Variants in MRPS27 observed in about 807,000 individuals in gnomAD.
MRPS27 encodes small ribosomal subunit protein mS27.
In MRPS27, 43 loss-of-function variants were observed where a neutral mutation model predicts 48.9. The observed-to-expected ratio is 0.88, with a 90% CI of 0.69 to 1.13. The LOEUF (loss-of-function observed/expected upper bound fraction) is 1.13, where lower values mean the gene tolerates loss of function less well. Ranked by LOEUF, MRPS27 falls within the 50% of genes most tolerant of loss-of-function variation. MRPS27 has a pLI of 0.00. For missense variants in MRPS27, 467 were observed against 476.3 expected, an observed-to-expected ratio of 0.98 and a Z score of 0.18; for synonymous variants, 188 against 171.9, an observed-to-expected ratio of 1.09 and a Z score of -0.73.
intron 2 of MRPS27, among the ~76,000 whole-genome samples, chr5:72,302,677 AGAG>A (rs1340255769): frequency 1.3e-5 from 2 of 152,258 alleles, no homozygotes; most frequent in Non-Finnish European, 2.9e-5. Context: ...TGGAGTGTTT[AGAG>A]GAGCAGTCCC....
chr5:72,306,634 A>G (rs1347602175), intron 2 of MRPS27, among the ~76,000 whole-genome samples: 1 of 152,238 alleles, frequency 6.6e-6, no homozygotes, highest in African/African-American at 2.4e-5. Flanking sequence ...TCTAGATCAC[A>G]TTTCAACAAA....
Position 72,295,580 on chromosome 5 carries a change from T to C in MRPS27, c.232A>G (p.Asn78Asp). The C allele has an allele frequency of 1.2e-6, 2 of 1,609,908 alleles. No homozygotes were observed. The highest frequency in any genetic ancestry group is 1.7e-6 in the Non-Finnish European group (2 of 1,176,398). The part of the protein sequence containing the change: ...SSLTISRLID[N>D]ISSREEIDHA... ...TCTATCTCTTCCCGAGAGGAAATGT[T>C]GTCTATAAGCTAAAAGACAGAAAAA... The change falls in exon 4 of 11, where the codon AAC becomes GAC. Residue 78 changes from asparagine (N) to aspartate (D), a missense_variant. Coordinates refer to ENST00000261413, the MANE Select transcript of MRPS27 (RefSeq NM_015084.3).
intron 4 of MRPS27, among the ~76,000 whole-genome samples, chr5:72,276,155 C>G (rs1239734262): frequency 6.6e-6 from 1 of 152,116 alleles, no homozygotes; most frequent in Non-Finnish European, 1.5e-5. Context: ...CGCTACCCAA[C>G]TTCAAACCAT....
At chr5:72,221,891 CCTGGAGAAGTAAGTATTAAAAACA>C (rs1342887141) in intron 10 of MRPS27, among the ~76,000 whole-genome samples, 3 of 89,926 alleles carry the variant, frequency 3.3e-5, no homozygotes, top group Non-Finnish European at 1.1e-4. Context: ...GTGTTGTGCT[CCTGGAGAAGTAAGTATTAAAAACA>C]TTAATCTATT....
chr5:72,305,343 C>G (rs1440718253), intron 2 of MRPS27, among the ~76,000 whole-genome samples: 1 of 152,152 alleles, frequency 6.6e-6, no homozygotes, highest in Admixed American at 6.5e-5. Context: ...AAATCTCCAT[C>G]AGGCCTCAAG....
At chr5:72,307,959 G>C (rs952149931) in intron 2 of MRPS27, 1 of 152,280 alleles carries the variant, frequency 6.6e-6, no homozygotes, top group African/African-American at 2.4e-5. Flanking sequence ...CACTGAGAAA[G>C]CTTTTTGGGC....
rs1424397296 is a variant in MRPS27 at position 72,320,153 on chromosome 5, A to C, written c.69T>G (p.Pro23=). The change falls in exon 1 of 11, where the codon CCT becomes CCG. Residue 23 remains proline (P), a synonymous_variant. Transcript: ENST00000261413. ...TAATGAAGCTGTCCGGCCAACCTGC[A>C]GGAGAGAGCTGAGGAAGAACCACTT... ...ARQVVLPQLS[P]AGKRYLLSSA... is the part of the protein sequence containing the mutation. 3.7e-6 allele frequency: 6 copies of C among 1,613,860 alleles called. No homozygotes were observed. The highest frequency in any genetic ancestry group is 2.2e-5 in the East Asian group (1 of 44,878).
At chr5:72,224,312 T>A (rs533234047) in intron 9 of MRPS27, among the ~76,000 whole-genome samples, 39 of 152,144 alleles carry the variant, frequency 2.6e-4, no homozygotes, top group African/African-American at 9.2e-4. Context: ...TGAGCCATGA[T>A]CACATCACTG....
At position 72,220,900 on chromosome 5, in the gene MRPS27, G is replaced by A. The variant is rs1360746397; in HGVS notation, c.*9C>T. 1 of 1,613,858 alleles carries A rather than the reference G, an allele frequency of 6.2e-7. No homozygotes were observed. Among genetic ancestry groups the A allele is most frequent in the Non-Finnish European group, 8.5e-7 (1 of 1,179,924 alleles). On this transcript the variant is annotated 3_prime_UTR_variant, in exon 11 of 11. Coordinates refer to ENST00000261413, the MANE Select transcript of MRPS27 (RefSeq NM_015084.3). ...TCTTGTGAGACAGGTGGGGCCCTGG[G>A]GGACCCTATTAGGCAGATGCCTTTG...
intron 9 of MRPS27, among the ~76,000 whole-genome samples, chr5:72,225,809 A>G (rs1170330306): frequency 6.7e-6 from 1 of 148,336 alleles, no homozygotes; most frequent in Admixed American, 6.7e-5. Flanking sequence ...GAGGTGAGGG[A>G]CGAGGCAGTG....
intron 4 of MRPS27, among the ~76,000 whole-genome samples, chr5:72,282,147 G>C (rs1749550034): frequency 1.3e-5 from 2 of 152,160 alleles, no homozygotes; most frequent in African/African-American, 4.8e-5. Flanking sequence ...CCACTAAACA[G>C]AATTCACATC....
chr5:72,316,461 A>G (rs1301336168), intron 1 of MRPS27, among the ~76,000 whole-genome samples: 1 of 152,066 alleles, frequency 6.6e-6, no homozygotes, highest in East Asian at 1.9e-4. Flanking sequence ...TCCACCTCCC[A>G]GGTTCAGGTA....
chr5:72,269,949 T>G (rs902197669), intron 4 of MRPS27, among the ~76,000 whole-genome samples: 2 of 152,064 alleles, frequency 1.3e-5, no homozygotes, highest in Admixed American at 1.3e-4. Flanking sequence ...TCCCAGCACT[T>G]TGGAAGGCTG....
intron 1 of MRPS27, among the ~76,000 whole-genome samples, chr5:72,318,448 G>A (rs1750620815): frequency 6.6e-6 from 1 of 152,164 alleles, no homozygotes; most frequent in Admixed American, 6.5e-5. Flanking sequence ...TCTACATTCT[G>A]GAGTCAGGAC....
chr5:72,261,054 G>C (rs374866430), intron 4 of MRPS27, among the ~76,000 whole-genome samples: 3 of 152,194 alleles, frequency 2.0e-5, no homozygotes, highest in South Asian at 2.1e-4. Flanking sequence ...AGTAGAGACA[G>C]GGTTTCGCCA....
At chr5:72,259,468 CAAAAAA>C (rs11286212) in intron 4 of MRPS27, among the ~76,000 whole-genome samples, 44 of 127,826 alleles carry the variant, frequency 3.4e-4, no homozygotes, top group African/African-American at 1.2e-3. Context: ...AACTTCGTCT[CAAAAAA>C]AAAAAAAAAA....
At chr5:72,227,976 C>T (rs1484738710) in intron 8 of MRPS27, 2 of 431,280 alleles carry the variant, frequency 4.6e-6, no homozygotes, top group Non-Finnish European at 8.1e-6. Context: ...CTAAACAGGG[C>T]CAGAACATCC....
In MRPS27 at chr5:72,220,644, AG is replaced by A. The variant is rs1747714170; in HGVS notation, c.*264del. On this transcript the variant is annotated 3_prime_UTR_variant, in exon 11 of 11. Transcript: ENST00000261413. ...TGCTCATAACTAATCCCTGTGCCCCAGGAACTCCATTATGAGCCTCAAGAGT... is the reference window on the plus strand; with the variant it reads ...TGCTCATAACTAATCCCTGTGCCCCAGAACTCCATTATGAGCCTCAAGAGT... 2 of 471,766 alleles carry A rather than the reference AG, an allele frequency of 4.2e-6. No homozygotes were observed. Among genetic ancestry groups the A allele is most frequent in the Non-Finnish European group, 7.5e-6 (2 of 265,968 alleles). 29.2% of individuals were successfully genotyped at this position (471,766 alleles called of 1,614,324 possible).
chr5:72,244,534 T>C (rs1333357538), intron 4 of MRPS27, among the ~76,000 whole-genome samples: 1 of 152,248 alleles, frequency 6.6e-6, no homozygotes, highest in Non-Finnish European at 1.5e-5. Flanking sequence ...TGCTCTCTGA[T>C]CTGCCTGCTG....
Sources: allele counts gnomAD v4.1 joint callset (sites outside exome capture counted in the v4.1 genomes callset), GRCh38; gene constraint gnomAD v4.1.1; transcripts MANE v1.5; gene names NCBI Gene and HGNC (gene_info 2026-07-23, HGNC 2026-07-21).